The following KCNQ1 variants were observed in gnomAD, a reference collection of about 807,000 sequenced individuals.
The protein encoded by KCNQ1 is potassium voltage-gated channel subfamily KQT member 1.
Under a neutral mutation model 72.4 loss-of-function variants are expected in KCNQ1, and 49 were observed. That is an observed-to-expected ratio of 0.68 (90% confidence interval 0.54 to 0.86). The LOEUF (loss-of-function observed/expected upper bound fraction) is 0.86, where lower values mean the gene tolerates loss of function less well. Among genes scored for constraint, KCNQ1 ranks in the 40% least tolerant of loss-of-function variants. KCNQ1 has a pLI of 0.00. For missense variants in KCNQ1, 790 were observed against 945.1 expected (o/e 0.84, Z 2.15); for synonymous variants, 450 against 412.6 (o/e 1.09, Z -1.10).
Position 2,766,231 on chromosome 11 carries a change from A to G in KCNQ1, c.1515-2613A>G, listed in dbSNP as rs1846496122. On this transcript the variant is annotated intron_variant, in intron 11 of 15. Coordinates refer to ENST00000155840, the MANE Select transcript of KCNQ1 (RefSeq NM_000218.3). This position sits in a 1 kb window ranked among gnomAD's most constrained non-coding sequence, Gnocchi z 4.4. ...TCTAAATATTCTGAAGCAAAGCACA[A>G]TCATCTGTTAGCTCACAAATCTATG... Among the ~76,000 whole-genome samples, 1 of 152,208 alleles carries G rather than the reference A, an allele frequency of 6.6e-6. No homozygotes were observed. The highest frequency in any genetic ancestry group is 2.1e-4 in the South Asian group (1 of 4,830).
At chr11:2,472,414 A>G (rs780677761) in intron 1 of KCNQ1, among the ~76,000 whole-genome samples, 9 of 151,734 alleles carry the variant, frequency 5.9e-5, no homozygotes, top group Non-Finnish European at 1.2e-4. Flanking sequence ...GTGTGCACCT[A>G]TGGGTGTGTG....
intron 11 of KCNQ1, chr11:2,681,799 C>A: frequency 2.5e-6 from 1 of 398,578 alleles, no homozygotes; most frequent in Non-Finnish European, 4.4e-6. Context: ...GGTACAGTCC[C>A]TGCCTTCTCA....
At chr11:2,716,447 G>A (rs751541497) in intron 11 of KCNQ1, among the ~76,000 whole-genome samples, 1 of 152,116 alleles carries the variant, frequency 6.6e-6, no homozygotes, top group African/African-American at 2.4e-5. Context: ...CTAGGCTCTC[G>A]AGGAATGGCT....
intron 2 of KCNQ1, among the ~76,000 whole-genome samples, chr11:2,532,939 G>T (rs1233383236): frequency 6.6e-6 from 1 of 152,180 alleles, no homozygotes; most frequent in Non-Finnish European, 1.5e-5. Context: ...GCCAGGCGGC[G>T]GGAAGGCCTG....
chr11:2,499,520 A>AC (rs1210679603), intron 1 of KCNQ1, among the ~76,000 whole-genome samples: 2 of 131,380 alleles, frequency 1.5e-5, no homozygotes, highest in Non-Finnish European at 3.4e-5. Flanking sequence ...GGTTGAATGG[A>AC]CCCCTGCCCC....
Position 2,508,932 on chromosome 11 carries a change from C to T in KCNQ1, c.387-18996C>T, listed in dbSNP as rs2237866. On this transcript the variant is annotated intron_variant, in intron 1 of 15. Transcript: ENST00000155840. This position sits in a 1 kb window ranked among gnomAD's most constrained non-coding sequence, Gnocchi z 6.2. ...GGCACCCTACAGTCACAGAGGCAAA[C>T]GAAGAATGTAGAGCTCCAGCTGGAT... Among the ~76,000 whole-genome samples the T allele has an allele frequency of 0.24, 36,574 of 152,066 alleles. 4,693 individuals are homozygous for T. The highest frequency in any genetic ancestry group is 0.46 in the East Asian group (2,369 of 5,140).
At chr11:2,520,618 G>T (rs973124740) in intron 1 of KCNQ1, among the ~76,000 whole-genome samples, 1 of 152,196 alleles carries the variant, frequency 6.6e-6, no homozygotes, top group East Asian at 1.9e-4. Context: ...GCCCCTGGGC[G>T]TCCACATCCC....
intron 10 of KCNQ1, chr11:2,650,566 T>A (rs1849741744): frequency 2.5e-6 from 1 of 398,548 alleles, no homozygotes; most frequent in South Asian, 1.3e-4. Context: ...GGCTGCTTGG[T>A]GCTTAGGATG....
At position 2,712,084 on chromosome 11, in the gene KCNQ1, G is replaced by C. The variant is rs1191844598; in HGVS notation, c.1514+50003G>C. ...TTCTGTGCTCCCTGCCTCCCAGAGAGCCAGGGAGAGGCCAGGATCCAAGGA... is the reference window on the plus strand; with the variant it reads ...TTCTGTGCTCCCTGCCTCCCAGAGACCCAGGGAGAGGCCAGGATCCAAGGA... On this transcript the variant is annotated intron_variant, in intron 11 of 15. Coordinates refer to ENST00000155840, the MANE Select transcript of KCNQ1 (RefSeq NM_000218.3). This position sits in a 1 kb window ranked among gnomAD's most constrained non-coding sequence, Gnocchi z 6.4. 1.3e-5 allele frequency among the ~76,000 whole-genome samples: 2 copies of C among 152,184 alleles called. No individual in the cohort carries two copies. Among genetic ancestry groups the C allele is most frequent in the Non-Finnish European group, 2.9e-5 (2 of 68,026 alleles).
rs377486458 is a variant in KCNQ1 at position 2,556,368 on chromosome 11, C to T, written c.478-14260C>T. On this transcript the variant is annotated intron_variant, in intron 2 of 15. Coordinates refer to ENST00000155840, the MANE Select transcript of KCNQ1 (RefSeq NM_000218.3). ...TGCGGGGCGGGGGACACAGTTTAGC[C>T]GGTAGGAATACCTACCTGTCAGAGG... 2.0e-4 allele frequency among the ~76,000 whole-genome samples: 30 copies of T among 152,262 alleles called. No individual in the cohort carries two copies. In the East Asian group the frequency reaches 5.2e-3, roughly 26 times the overall value.
intron 15 of KCNQ1, among the ~76,000 whole-genome samples, chr11:2,800,572 T>C (rs1037606880): frequency 2.0e-5 from 3 of 152,148 alleles, no homozygotes; most frequent in Admixed American, 2.0e-4. Flanking sequence ...CGCACAGGAT[T>C]GAGGTGGCGT....
At chr11:2,730,602 TGGGAGGCCCCAGGAGGCA>T (rs1325310992) in intron 11 of KCNQ1, among the ~76,000 whole-genome samples, 9 of 152,110 alleles carry the variant, frequency 5.9e-5, no homozygotes, top group Non-Finnish European at 1.2e-4. Context: ...GCAGGGGGCC[TGGGAGGCCCCAGGAGGCA>T]GGTGGACTTT....
chr11:2,780,310 G>T (rs1192451968), intron 15 of KCNQ1, among the ~76,000 whole-genome samples: 1 of 152,208 alleles, frequency 6.6e-6, no homozygotes, highest in South Asian at 2.1e-4. Flanking sequence ...AGCCTGGCTC[G>T]AGTTTTCTCC....
Position 2,818,174 on chromosome 11 carries a change from G to A in KCNQ1, c.1795-29593G>A, listed in dbSNP as rs568931888. ...AGTGGGAGCGCGTGCCCCAACTTCCGAGCCCTAGGAAAGGGTCTTGTCTGC... is the reference window on the plus strand; with the variant it reads ...AGTGGGAGCGCGTGCCCCAACTTCCAAGCCCTAGGAAAGGGTCTTGTCTGC... On this transcript the variant is annotated intron_variant, in intron 15 of 15. Coordinates refer to ENST00000155840, the MANE Select transcript of KCNQ1 (RefSeq NM_000218.3). This position sits in a 1 kb window ranked among gnomAD's most constrained non-coding sequence, Gnocchi z 7.2. 8.5e-5 allele frequency among the ~76,000 whole-genome samples: 13 copies of A among 152,236 alleles called. No homozygotes were observed. The East Asian group carries it at 2.3e-3, about 27-fold the overall frequency.
chr11:2,797,214 G>A (rs1847155290), intron 15 of KCNQ1, among the ~76,000 whole-genome samples: 1 of 152,136 alleles, frequency 6.6e-6, no homozygotes, highest in African/African-American at 2.4e-5. Context: ...CTGGGGGCTG[G>A]GCCACGGAGA....
At position 2,497,001 on chromosome 11, in the gene KCNQ1, C is replaced by T. The variant is rs1398957982; in HGVS notation, c.387-30927C>T. Among the ~76,000 whole-genome samples, 1 of 152,202 alleles carries T rather than the reference C, an allele frequency of 6.6e-6. No homozygotes were observed. Among genetic ancestry groups the T allele is most frequent in the Non-Finnish European group, 1.5e-5 (1 of 68,046 alleles). The stretch of plus-strand genomic sequence containing the variant: ...AATGTTGAATATTGGCTCCCACTCT[C>T]TTCTGGCTTGTAGGGTTTCTGCAGA... On this transcript the variant is annotated intron_variant, in intron 1 of 15. Transcript: ENST00000155840. The surrounding 1 kb of genome is among the most constrained non-coding windows in gnomAD (Gnocchi z 4.5).
At position 2,671,984 on chromosome 11, in the gene KCNQ1, C is replaced by G. The variant is rs1850191514; in HGVS notation, c.1514+9903C>G. 5.0e-6 allele frequency: 2 copies of G among 398,596 alleles called. No homozygotes were observed. Among genetic ancestry groups the G allele is most frequent in the Non-Finnish European group, 8.8e-6 (2 of 226,086 alleles). The allele number at this position is 398,596 out of a possible 1,614,324, so 24.7% of individuals were successfully genotyped here. On this transcript the variant is annotated intron_variant, in intron 11 of 15. Transcript: ENST00000155840. The surrounding 1 kb of genome is among the most constrained non-coding windows in gnomAD (Gnocchi z 4.7). ...TGGGCTAAAAAGTCAGCTAGCACCC[C>G]TGACTTCAAGTCCTCGAGTGTATGT...
At position 2,808,338 on chromosome 11, in the gene KCNQ1, G is replaced by A. The variant is rs1005409055; in HGVS notation, c.1794+30301G>A. The stretch of plus-strand genomic sequence containing the variant: ...GGTCCTGGCATCACAGAGCTACCCC[G>A]GTCAAAAATATACCATGTAATTACA... On this transcript the variant is annotated intron_variant, in intron 15 of 15. Transcript: ENST00000155840. This position sits in a 1 kb window ranked among gnomAD's most constrained non-coding sequence, Gnocchi z 6.0. 3.3e-5 allele frequency among the ~76,000 whole-genome samples: 5 copies of A among 152,168 alleles called. No homozygotes were observed. The highest frequency in any genetic ancestry group is 7.3e-5 in the Non-Finnish European group (5 of 68,036).
At position 2,593,691 on chromosome 11, in the gene KCNQ1, C is replaced by G. The variant is rs1344615411; in HGVS notation, c.1393+4837C>G. 1.3e-5 allele frequency among the ~76,000 whole-genome samples: 2 copies of G among 152,186 alleles called. No homozygotes were observed. The highest frequency in any genetic ancestry group is 1.3e-4 in the Admixed American group (2 of 15,278). Reference sequence around the variant, plus strand: ...CTTTCTGGAGGCATGCGTCATGGAACAGCCTCACCTCTCACTTCTGCACTT... The same window carrying G: ...CTTTCTGGAGGCATGCGTCATGGAAGAGCCTCACCTCTCACTTCTGCACTT... On this transcript the variant is annotated intron_variant, in intron 10 of 15. Transcript: ENST00000155840. The surrounding 1 kb of genome is among the most constrained non-coding windows in gnomAD (Gnocchi z 6.9).
Sources: gnomAD v4.1 joint callset for allele counts (sites outside exome capture counted in the v4.1 genomes callset) on GRCh38, gnomAD v4.1.1 for gene constraint, Gnocchi (gnomAD v3.1) non-coding constraint, MANE v1.5 for transcripts, NCBI Gene and HGNC (gene_info 2026-07-23, HGNC 2026-07-21) for gene names.